The following PTPRG variants were observed in gnomAD, a reference collection of about 807,000 sequenced individuals.
PTPRG encodes the protein protein tyrosine phosphatase receptor type G.
In PTPRG, 102 loss-of-function variants were observed where a neutral mutation model predicts 165.3. That is an observed-to-expected ratio of 0.62 (90% CI 0.53 to 0.73). PTPRG has a LOEUF of 0.73. PTPRG is among the 30% of genes least tolerant of loss of function. The pLI is 0.00. For synonymous variants in PTPRG, 675 were observed against 669.5 expected, an observed-to-expected ratio of 1.01 and a Z score of -0.13; for missense variants, 1,866 against 1,861.4, an observed-to-expected ratio of 1.00 and a Z score of -0.05.
At chr3:62,051,376 C>T (rs1700463721) in intron 4 of PTPRG, among the ~76,000 whole-genome samples, 1 of 152,140 alleles carries the variant, frequency 6.6e-6, no homozygotes, top group Non-Finnish European at 1.5e-5. Flanking sequence ...TTCAGCAAGC[C>T]TCCCAGTGAC....
intron 12 of PTPRG, among the ~76,000 whole-genome samples, chr3:62,206,301 C>T (rs1402923619): frequency 3.4e-5 from 5 of 149,220 alleles, no homozygotes; most frequent in Admixed American, 1.3e-4. Flanking sequence ...TGTAGGTCCT[C>T]GGCTTCCACC....
intron 1 of PTPRG, among the ~76,000 whole-genome samples, chr3:61,652,643 C>A (rs1702387916): frequency 6.6e-6 from 1 of 152,138 alleles, no homozygotes. Flanking sequence ...TAAGATACAT[C>A]CTCAGGCTCT....
At chr3:61,831,915 A>G (rs2036306902) in intron 2 of PTPRG, among the ~76,000 whole-genome samples, 1 of 152,210 alleles carries the variant, frequency 6.6e-6, no homozygotes, top group Admixed American at 6.5e-5. Flanking sequence ...AGATTTAAAA[A>G]TTACTTAAAA....
At chr3:62,065,106 T>C (rs1359465976) in intron 4 of PTPRG, among the ~76,000 whole-genome samples, 1 of 152,086 alleles carries the variant, frequency 6.6e-6, no homozygotes, top group Admixed American at 6.6e-5. Context: ...ATAAATCCAG[T>C]GTTACGAATG....
intron 8 of PTPRG, among the ~76,000 whole-genome samples, chr3:62,186,567 C>CCTTTTTTTTTTTTTTTTTTTTTTT (rs1705895088): frequency 3.4e-5 from 4 of 117,540 alleles, no homozygotes; most frequent in African/African-American, 1.4e-4. Flanking sequence ...TTTTCTTTTC[C>CCTTTTTTTTTTTTTTTTTTTTTTT]TTTTTTTTTT....
chr3:61,930,826 GA>G (rs1415271965), intron 2 of PTPRG, among the ~76,000 whole-genome samples: 2 of 152,184 alleles, frequency 1.3e-5, no homozygotes, highest in East Asian at 3.8e-4. Flanking sequence ...TTGGGAGGCC[GA>G]GGCCGGTGGA....
At chr3:61,567,923 G>A (rs1005661262) in intron 1 of PTPRG, among the ~76,000 whole-genome samples, 7 of 138,646 alleles carry the variant, frequency 5.0e-5, no homozygotes, top group African/African-American at 1.9e-4. Flanking sequence ...CTGTGATGGT[G>A]CCACTGCTCT....
At chr3:61,667,104 A>T (rs1463800382) in intron 1 of PTPRG, among the ~76,000 whole-genome samples, 3 of 152,150 alleles carry the variant, frequency 2.0e-5, no homozygotes, top group Non-Finnish European at 4.4e-5. Context: ...TTGCTTTAGG[A>T]TGGGCTTGGA....
intron 4 of PTPRG, among the ~76,000 whole-genome samples, chr3:62,072,349 A>G (rs977851646): frequency 1.3e-5 from 2 of 152,078 alleles, no homozygotes; most frequent in Non-Finnish European, 2.9e-5. Flanking sequence ...GTAAAATTCC[A>G]TTTTCCAAAT....
chr3:62,091,769 CATT>C (rs1701938412), intron 5 of PTPRG, among the ~76,000 whole-genome samples: 1 of 152,040 alleles, frequency 6.6e-6, no homozygotes, highest in Non-Finnish European at 1.5e-5. Flanking sequence ...CAATTTATTT[CATT>C]AGTCCCAGTG....
At chr3:62,145,539 A>T (rs1188757943) in intron 6 of PTPRG, among the ~76,000 whole-genome samples, 3 of 151,838 alleles carry the variant, frequency 2.0e-5, no homozygotes, top group Admixed American at 1.3e-4. Flanking sequence ...GAAATGATGA[A>T]GATGATGATG....
At position 62,097,882 on chromosome 3, in the gene PTPRG, A is replaced by G. The variant is rs533524086; in HGVS notation, c.615+19624A>G. On this transcript the variant is annotated intron_variant, in intron 5 of 29. Transcript: ENST00000474889. ...ATTTGAGATTCTCAAAAGCACTTTC[A>G]GTGAAATGTTTTTAAATGCACATTA... Among the ~76,000 whole-genome samples the G allele has an allele frequency of 7.7e-4, 118 of 152,364 alleles. 4 individuals carry two copies. In the South Asian group the frequency reaches 0.023, roughly 30 times the overall value.
intron 8 of PTPRG, among the ~76,000 whole-genome samples, chr3:62,189,526 AC>A (rs1699753808): frequency 6.6e-6 from 1 of 151,860 alleles, no homozygotes; most frequent in South Asian, 2.1e-4. Context: ...CTTACTTCTT[AC>A]CCGGTTCCTG....
chr3:61,886,733 T>C (rs1477072174), intron 2 of PTPRG, among the ~76,000 whole-genome samples: 1 of 152,198 alleles, frequency 6.6e-6, no homozygotes, highest in East Asian at 1.9e-4. Flanking sequence ...CTACATTAAC[T>C]AGCTTTTCCA....
At chr3:61,970,087 T>C (rs755507494) in intron 2 of PTPRG, among the ~76,000 whole-genome samples, 1 of 152,070 alleles carries the variant, frequency 6.6e-6, no homozygotes, top group Non-Finnish European at 1.5e-5. Context: ...GTCATAAATA[T>C]TCTTAAGCAA....
At chr3:61,563,256 G>T (rs550395578) in intron 1 of PTPRG, among the ~76,000 whole-genome samples, 1 of 152,258 alleles carries the variant, frequency 6.6e-6, no homozygotes, top group East Asian at 1.9e-4. Context: ...TTTGCAGGCT[G>T]TTCGCGGCTG....
At chr3:61,726,162 G>A (rs1195219654) in intron 1 of PTPRG, among the ~76,000 whole-genome samples, 1 of 152,148 alleles carries the variant, frequency 6.6e-6, no homozygotes, top group Admixed American at 6.5e-5. Flanking sequence ...ACATAAATCT[G>A]CACAGAGCGG....
chr3:61,729,076 A>C (rs1369212506), intron 1 of PTPRG, among the ~76,000 whole-genome samples: 1 of 151,480 alleles, frequency 6.6e-6, no homozygotes, highest in Non-Finnish European at 1.5e-5. Flanking sequence ...AAACAAACAA[A>C]CAAACAAACA....
intron 2 of PTPRG, among the ~76,000 whole-genome samples, chr3:61,926,890 A>G (rs2039226923): frequency 6.6e-6 from 1 of 150,958 alleles, no homozygotes; most frequent in Admixed American, 6.6e-5. Context: ...TTGAAATTAA[A>G]ACAAAAACGA....
Sources: allele counts gnomAD v4.1 joint callset (sites outside exome capture counted in the v4.1 genomes callset), GRCh38; gene constraint gnomAD v4.1.1; transcripts MANE v1.5; gene names NCBI Gene and HGNC (gene_info 2026-07-23, HGNC 2026-07-21).